Variants in DLG3 observed in about 807,000 individuals in gnomAD.
The protein encoded by DLG3 is disks large homolog 3.
In DLG3, 1 loss-of-function variant was observed where a neutral mutation model predicts 64.1. The observed-to-expected ratio is 0.02, with a 90% CI of 0.01 to 0.07. The LOEUF (loss-of-function observed/expected upper bound fraction) is 0.07, where lower values mean the gene tolerates loss of function less well. Among genes scored for constraint, DLG3 ranks in the 10% least tolerant of loss-of-function variants. The pLI is 1.00. For synonymous variants in DLG3, 245 were observed against 259.8 expected, an observed-to-expected ratio of 0.94 and a Z score of 0.55; for missense variants, 429 against 669.5, an observed-to-expected ratio of 0.64 and a Z score of 3.96.
intron 14 of DLG3, 84 bp from the exon 15 acceptor site, chrX:70,499,092 C>A: frequency 1.5e-6 from 1 of 663,119 alleles, no homozygotes; most frequent in South Asian, 2.3e-5. Flanking sequence ...GCTCCAGAGC[C>A]TCTGTGTTCT....
rs2086550309 is a variant in DLG3, at chrX:70,445,021, A to C, written c.-181A>C. ...GCAGCGTGGGGGCCGAGGCCCCGGG[A>C]CGCCCGCCCGGCCCCAGGCCCCGCT... On this transcript the variant is annotated 5_prime_UTR_variant, in exon 1 of 19. Coordinates refer to ENST00000374360, the MANE Select transcript of DLG3 (RefSeq NM_021120.4). 2 of 277,009 alleles carry C rather than the reference A, an allele frequency of 7.2e-6. No individual in the cohort carries two copies. The highest frequency in any genetic ancestry group is 1.0e-3 in the Middle Eastern group (1 of 985). The allele number at this position is 277,009 out of a possible 1,213,427, so 22.8% of individuals were successfully genotyped here.
At chrX:70,483,400 C>T (rs2087200315) in intron 10 of DLG3, among the ~76,000 whole-genome samples, 1 of 113,207 alleles carries the variant, frequency 8.8e-6, no homozygotes, top group Non-Finnish European at 1.9e-5. Flanking sequence ...AAGGAAGCAG[C>T]GGGTATGGTC....
rs762278792 is a variant in DLG3 at position 70,503,587 on chromosome X, G to A, written c.*1318G>A. The A allele has an allele frequency of 6.3e-5, 7 of 110,648 alleles. No individual in the cohort carries two copies. The highest frequency in any genetic ancestry group is 1.1e-4 in the Non-Finnish European group (6 of 52,731). 9.1% of individuals were successfully genotyped at this position (110,648 alleles called of 1,213,427 possible). A position where few individuals can be genotyped will look rare whatever the true frequency, so the allele number is the denominator to read the frequency against. On this transcript the variant is annotated 3_prime_UTR_variant, in exon 19 of 19. Transcript: ENST00000374360. ...GCTTGCTTGGCCAGCTGCGTCATGA[G>A]TTTGATTTGGTTTTTTTTTTTTTGC...
At chrX:70,461,187 T>C (rs1452672524) in intron 9 of DLG3, among the ~76,000 whole-genome samples, 1 of 112,103 alleles carries the variant, frequency 8.9e-6, no homozygotes, top group Non-Finnish European at 1.9e-5. Context: ...ACCAGTAGTA[T>C]GTAAGGGTTC....
rs753393368 is a variant in DLG3 at position 70,499,204 on chromosome X, G to A, written c.1899G>A (p.Leu633=). The part of the protein sequence containing the change: ...EIHYARPVII[L]GPMKDRVNDD... ...ACTATGCAAGGCCTGTGATCATCCTGGGCCCAATGAAGGACCGAGTCAATG... is the reference window on the plus strand; with the variant it reads ...ACTATGCAAGGCCTGTGATCATCCTAGGCCCAATGAAGGACCGAGTCAATG... The change falls in exon 15 of 19, where the codon CTG becomes CTA. Residue 633 remains leucine (L), a synonymous_variant. Transcript: ENST00000374360. 1.0e-4 allele frequency: 123 copies of A among 1,207,505 alleles called. 1 individual carries two copies. The South Asian group carries it at 2.1e-3, about 20-fold the overall frequency.
At position 70,499,158 on chromosome X, in the gene DLG3, G is replaced by A. The variant is rs1472453378; in HGVS notation, c.1871-18G>A. 3.4e-6 allele frequency: 4 copies of A among 1,166,258 alleles called. No individual in the cohort carries two copies. The highest frequency in any genetic ancestry group is 3.6e-5 in the South Asian group (2 of 55,432). On this transcript the variant is annotated intron_variant, in intron 14 of 18. Coordinates refer to ENST00000374360, the MANE Select transcript of DLG3 (RefSeq NM_021120.4). ...GGTGGGGGCCTCTGTTCACTGTCTCGATGCTCTCCCTCTCTAGTTCACTAT... is the reference window on the plus strand; with the variant it reads ...GGTGGGGGCCTCTGTTCACTGTCTCAATGCTCTCCCTCTCTAGTTCACTAT...
rs1241142887 is a variant in DLG3, at chrX:70,445,552, T to C, written c.351T>C (p.Tyr117=). 2.5e-6 allele frequency: 3 copies of C among 1,177,194 alleles called. No homozygotes were observed. Among genetic ancestry groups the C allele is most frequent in the Non-Finnish European group, 3.4e-6 (3 of 878,104 alleles). ...GCACCTGTACCAACCGGGACTGGTA[T>C]GAGCAGGTATGGACCAGCGGAGGGG... The part of the protein sequence containing the change: ...PECTCTNRDW[Y]EQVNGSDGMF... The change falls in exon 1 of 19, where the codon TAT becomes TAC. Residue 117 remains tyrosine, a synonymous_variant. Transcript: ENST00000374360.
chrX:70,494,159 C>T (rs183363782), intron 12 of DLG3, among the ~76,000 whole-genome samples: 4 of 112,551 alleles, frequency 3.6e-5, no homozygotes, highest in East Asian at 5.6e-4. Flanking sequence ...AAAGTTGGTT[C>T]GGTAGGAAGA....
At position 70,500,060 on chromosome X, in the gene DLG3, A is replaced by C; in HGVS notation, c.2145+11A>C. On this transcript the variant is annotated intron_variant, in intron 16 of 18. Transcript: ENST00000374360. The stretch of plus-strand genomic sequence containing the variant: ...GCAGTTGCAGAGAGGGTAAGTGTAC[A>C]GGAGATGGCCTCAAAGGGGAGGCCA... 1 of 1,201,721 alleles carries C rather than the reference A, an allele frequency of 8.3e-7. No individual in the cohort carries two copies. Among genetic ancestry groups the C allele is most frequent in the Non-Finnish European group, 1.1e-6 (1 of 886,968 alleles).
intron 13 of DLG3, chrX:70,497,046 G>T: frequency 1.6e-6 from 1 of 616,593 alleles, no homozygotes; most frequent in Non-Finnish European, 2.7e-6. Flanking sequence ...TGGTAGCCTG[G>T]ATGTGGCAGG....
At chrX:70,495,876 T>G (rs1386068611) in intron 13 of DLG3, among the ~76,000 whole-genome samples, 1 of 111,178 alleles carries the variant, frequency 9.0e-6, no homozygotes, top group Non-Finnish European at 1.9e-5. Flanking sequence ...TTAACAGTCC[T>G]CTAACTAGGG....
At chrX:70,495,279 C>T (rs770173802) in intron 12 of DLG3, 129 bp from the exon 13 acceptor site, 26 of 586,498 alleles carry the variant, frequency 4.4e-5, no homozygotes, top group Non-Finnish European at 7.0e-5. Flanking sequence ...CTTCCTCCCC[C>T]CTTGTCTTTT....
chrX:70,465,460 C>T (rs1366222722), intron 9 of DLG3, among the ~76,000 whole-genome samples: 1 of 112,106 alleles, frequency 8.9e-6, no homozygotes, highest in Non-Finnish European at 1.9e-5. Flanking sequence ...TGGCTTTGTC[C>T]TTGAGCCTGT....
At chrX:70,449,039 G>A in intron 2 of DLG3, 76 bp downstream of exon 2, 1 of 1,105,179 alleles carries the variant, frequency 9.0e-7, no homozygotes, top group Non-Finnish European at 1.2e-6. Context: ...CCTGAATCAT[G>A]GTTTCAAGAC....
chrX:70,452,643 T>C lies in DLG3; in HGVS notation c.1145+617T>C, dbSNP rs1240156930. 1.7e-6 allele frequency: 2 copies of C among 1,194,164 alleles called. No individual in the cohort carries two copies. Reference sequence around the variant, plus strand: ...AGCTATGGAGAGGGCCCGCAAGTTCTCGGGCTCCGGCTTGGCCATGGGCTT... The same window carrying C: ...AGCTATGGAGAGGGCCCGCAAGTTCCCGGGCTCCGGCTTGGCCATGGGCTT... On this transcript the variant is annotated intron_variant, in intron 7 of 18. Coordinates refer to ENST00000374360, the MANE Select transcript of DLG3 (RefSeq NM_021120.4).
chrX:70,462,243 C>CTTTTTTTTTTT (rs141689653), intron 9 of DLG3, among the ~76,000 whole-genome samples: 2 of 46,983 alleles, frequency 4.3e-5, no homozygotes, highest in Non-Finnish European at 6.9e-5. Context: ...TTCTTTCTTT[C>CTTTTTTTTTTT]TTTTTTTTTT....
In DLG3 at chrX:70,445,307, C is replaced by T. The variant is rs759957195; in HGVS notation, c.106C>T (p.Pro36Ser). 2 of 1,165,964 alleles carry T rather than the reference C, an allele frequency of 1.7e-6. No individual in the cohort carries two copies. The highest frequency in any genetic ancestry group is 5.1e-5 in the Admixed American group (2 of 39,188). Reference sequence around the variant, plus strand: ...TCCGGGCTACGGCGACTGGCAAGTCCCCGACCCTTACGGGCCAGGTGGGGG... The same window carrying T: ...TCCGGGCTACGGCGACTGGCAAGTCTCCGACCCTTACGGGCCAGGTGGGGG... ...EPPGYGDWQVPDPYGPGGGNG... is the reference protein window; with the variant it reads ...EPPGYGDWQVSDPYGPGGGNG... The change falls in exon 1 of 19, where the codon CCC becomes TCC. Residue 36 changes from proline to serine, a missense_variant. By Grantham distance (74) the Pro-to-Ser change is moderately conservative (BLOSUM62 -1). Transcript: ENST00000374360.
intron 10 of DLG3, among the ~76,000 whole-genome samples, chrX:70,490,708 A>G (rs2087343004): frequency 1.8e-5 from 2 of 112,002 alleles, no homozygotes; most frequent in South Asian, 7.4e-4. Context: ...GCCAAAGGCC[A>G]CAGTATTGCA....
In DLG3 at chrX:70,453,812, G is replaced by A; in HGVS notation, c.1302+19G>A. Reference sequence around the variant, plus strand: ...CTTATCGGTGAGGAGACAAAGGAGAGGTGGGAGGATGGGAACTGTGCCAGT... The same window carrying A: ...CTTATCGGTGAGGAGACAAAGGAGAAGTGGGAGGATGGGAACTGTGCCAGT... On this transcript the variant is annotated intron_variant, in intron 8 of 18. Transcript: ENST00000374360. 8.6e-7 allele frequency: 1 copy of A among 1,167,330 alleles called. No individual in the cohort carries two copies.
Sources: allele counts gnomAD v4.1 joint callset (sites outside exome capture counted in the v4.1 genomes callset), GRCh38; gene constraint gnomAD v4.1.1; transcripts MANE v1.5; gene names NCBI Gene and HGNC (gene_info 2026-07-23, HGNC 2026-07-21).